Variants in ABCB4 observed in about 807,000 individuals in gnomAD.
The protein encoded by ABCB4 is phosphatidylcholine translocator ABCB4.
In ABCB4, 76 loss-of-function variants were observed where a neutral mutation model predicts 145.7. The observed-to-expected ratio is 0.52, with a 90% CI of 0.43 to 0.63. ABCB4 has a LOEUF of 0.63. ABCB4 is among the 30% of genes least tolerant of loss of function. The pLI is 0.00. For synonymous variants in ABCB4, 517 were observed against 566.8 expected, an observed-to-expected ratio of 0.91 and a Z score of 1.25; for missense variants, 1,234 against 1,553.1, an observed-to-expected ratio of 0.79 and a Z score of 3.45.
the ABCB4 span, among the ~76,000 whole-genome samples, chr7:87,373,515 T>G: frequency 6.6e-6 from 1 of 152,078 alleles, no homozygotes; most frequent in African/African-American, 2.4e-5. Context: ...ACATGAAGAT[T>G]TACACATATA....
chr7:87,475,500 A>C, intron 1 of ABCB4, 29 bp from the exon 2 acceptor site: 2 of 1,612,290 alleles, frequency 1.2e-6, no homozygotes, highest in South Asian at 2.2e-5. Flanking sequence ...CTCAGAACCA[A>C]GTACACCCTC....
the ABCB4 span, among the ~76,000 whole-genome samples, chr7:87,381,031 C>T: frequency 3.9e-5 from 6 of 152,222 alleles, no homozygotes; most frequent in South Asian, 2.1e-4. Flanking sequence ...TTATAGGCTC[C>T]GCTGGGCCAT....
intron 6 of ABCB4, 82 bp from the exon 7 acceptor site, chr7:87,451,876 C>G (rs1811756033): frequency 2.0e-5 from 28 of 1,391,466 alleles, no homozygotes; most frequent in Non-Finnish European, 2.8e-5. Flanking sequence ...AACACATAGA[C>G]AAGTAAAATT....
chr7:87,402,816 T>A lies in ABCB4; in HGVS notation c.3633+319A>T, dbSNP rs547910553. Among the ~76,000 whole-genome samples, 75 of 152,190 alleles carry A rather than the reference T, an allele frequency of 4.9e-4. 1 individual carries two copies. In the South Asian group the frequency reaches 0.016, roughly 32 times the overall value. On this transcript the variant is annotated intron_variant, in intron 27 of 27. Coordinates refer to ENST00000649586, the MANE Select transcript of ABCB4 (RefSeq NM_000443.4). ...GGATTCGAGACCAGCCTGGCCAACA[T>A]AATGAAACCCTGTCTCTACTAAAAA...
chr7:87,387,680 G>A, the ABCB4 span, among the ~76,000 whole-genome samples: 1 of 152,166 alleles, frequency 6.6e-6, no homozygotes, highest in Non-Finnish European at 1.5e-5. Flanking sequence ...GGCTGGGCAT[G>A]GTGGCTCACA....
At chr7:87,407,914 A>T (rs1252754656) in intron 25 of ABCB4, 123 bp downstream of exon 25, 1 of 1,247,788 alleles carries the variant, frequency 8.0e-7, no homozygotes, top group East Asian at 2.4e-5. Flanking sequence ...GGGTTTATAG[A>T]ATGTGGTCAT....
At chr7:87,393,084 T>C in the ABCB4 span, 1 of 1,610,146 alleles carries the variant, frequency 6.2e-7, no homozygotes, top group Non-Finnish European at 8.5e-7. Context: ...CTTCTCTTTT[T>C]TATTCTTTCT....
chr7:87,475,740 C>T (rs1263757288), upstream of ABCB4: 3 of 372,574 alleles, frequency 8.1e-6, no homozygotes, highest in Non-Finnish European at 1.4e-5. Flanking sequence ...GCCCCCGCCC[C>T]CCACGCGCGT....
chr7:87,385,895 T>G, the ABCB4 span, among the ~76,000 whole-genome samples: 1 of 152,244 alleles, frequency 6.6e-6, no homozygotes, highest in Non-Finnish European at 1.5e-5. Flanking sequence ...CATGAAGGTA[T>G]GTTTAATTTT....
intron 26 of ABCB4, 107 bp downstream of exon 26, chr7:87,406,181 G>T: frequency 8.4e-7 from 1 of 1,188,274 alleles, no homozygotes; most frequent in Non-Finnish European, 1.3e-6. Context: ...AGTTGTTAAT[G>T]TTAGTAAATC....
At chr7:87,452,869 T>TA in intron 6 of ABCB4, 75 bp downstream of exon 6, 3 of 1,514,452 alleles carry the variant, frequency 2.0e-6, no homozygotes. Context: ...ATTTTTCATT[T>TA]AAAATCTTTC....
At chr7:87,427,728 G>A (rs1034350391) in intron 15 of ABCB4, among the ~76,000 whole-genome samples, 1 of 152,174 alleles carries the variant, frequency 6.6e-6, no homozygotes, top group Admixed American at 6.5e-5. Flanking sequence ...GTGCCTTACT[G>A]TACATACAAT....
intron 16 of ABCB4, among the ~76,000 whole-genome samples, chr7:87,425,283 A>G (rs564381331): frequency 6.6e-6 from 1 of 152,136 alleles, no homozygotes; most frequent in Non-Finnish European, 1.5e-5. Flanking sequence ...ACGTGCTCCT[A>G]TAAAATACTG....
At chr7:87,392,011 C>T in the ABCB4 span, among the ~76,000 whole-genome samples, 5 of 152,140 alleles carry the variant, frequency 3.3e-5, no homozygotes, top group Non-Finnish European at 5.9e-5. Context: ...GTGCAGAAAT[C>T]CCAAGGTGCC....
intron 12 of ABCB4, among the ~76,000 whole-genome samples, chr7:87,442,778 C>G (rs571419107): frequency 6.6e-4 from 101 of 152,176 alleles, no homozygotes; most frequent in Non-Finnish European, 1.3e-3. Flanking sequence ...AAATTTATAG[C>G]AAAACTTTTA....
the ABCB4 span, among the ~76,000 whole-genome samples, chr7:87,379,619 A>G: frequency 2.0e-5 from 3 of 152,364 alleles, no homozygotes; most frequent in East Asian, 5.8e-4. Context: ...CATAATGAGC[A>G]TATCTCTCAG....
At chr7:87,450,987 G>A (rs778483268) in intron 7 of ABCB4, among the ~76,000 whole-genome samples, 22 of 152,216 alleles carry the variant, frequency 1.4e-4, no homozygotes, top group Non-Finnish European at 3.1e-4. Flanking sequence ...AACTGGCAGA[G>A]TGCCACTTAA....
chr7:87,424,497 A>C (rs986275714), intron 16 of ABCB4, among the ~76,000 whole-genome samples: 38 of 152,196 alleles, frequency 2.5e-4, no homozygotes, highest in African/African-American at 9.2e-4. Context: ...GAGACAATAC[A>C]CCTGAGTAGA....
At chr7:87,374,556 T>C in the ABCB4 span, among the ~76,000 whole-genome samples, 3 of 151,994 alleles carry the variant, frequency 2.0e-5, no homozygotes, top group African/African-American at 4.8e-5. Flanking sequence ...TTACTTATAA[T>C]TGGAGCAAAA....
Sources: allele counts gnomAD v4.1 joint callset (sites outside exome capture counted in the v4.1 genomes callset), GRCh38; gene constraint gnomAD v4.1.1; transcripts MANE v1.5; gene names NCBI Gene and HGNC (gene_info 2026-07-23, HGNC 2026-07-21).